OSTF1: variants seen among roughly 807,000 people sequenced by gnomAD.
OSTF1 encodes osteoclast stimulating factor 1.
In OSTF1, 27 loss-of-function variants were observed where a neutral mutation model predicts 37.2. The ratio of observed to expected loss-of-function variants is 0.73; its 90% CI spans 0.54 to 1.00. OSTF1 has a LOEUF of 1.00. Among genes scored for constraint, OSTF1 ranks in the 50% least tolerant of loss-of-function variants. OSTF1 has a pLI of 0.00. For missense variants in OSTF1, 232 were observed against 253.8 expected, an observed-to-expected ratio of 0.91 and a Z score of 0.58; for synonymous variants, 82 against 89.2, an observed-to-expected ratio of 0.92 and a Z score of 0.46.
intron 1 of OSTF1, among the ~76,000 whole-genome samples, chr9:75,094,658 C>T (rs911801505): frequency 7.0e-6 from 1 of 142,392 alleles, no homozygotes; most frequent in African/African-American, 2.5e-5. Context: ...CAGGGAAAGA[C>T]TACATTAAAA....
rs1366353132 is a variant in OSTF1, at chr9:75,106,791, TA to T, written c.35-10708del. On this transcript the variant is annotated intron_variant, in intron 1 of 9. Transcript: ENST00000346234. ...CAACATGGTGAAACCCCGTCTCTAC[TA>T]AAAATACAAAAATTAGCTGGGTGTG... 4.7e-5 allele frequency among the ~76,000 whole-genome samples: 7 copies of T among 150,364 alleles called. No individual in the cohort carries two copies. The East Asian group carries it at 1.4e-3, about 30-fold the overall frequency.
intron 3 of OSTF1, among the ~76,000 whole-genome samples, chr9:75,129,155 A>AT (rs1825723867): frequency 6.6e-6 from 1 of 152,196 alleles, no homozygotes; most frequent in Non-Finnish European, 1.5e-5. Flanking sequence ...TTGAGCATCA[A>AT]TTAGGGCAAC....
At chr9:75,104,810 A>G (rs1043385018) in intron 1 of OSTF1, among the ~76,000 whole-genome samples, 3 of 152,214 alleles carry the variant, frequency 2.0e-5, no homozygotes, top group African/African-American at 7.2e-5. Flanking sequence ...GCCAGAATTA[A>G]AAGAACAGTA....
At chr9:75,107,327 G>C (rs1191103481) in intron 1 of OSTF1, among the ~76,000 whole-genome samples, 2 of 152,082 alleles carry the variant, frequency 1.3e-5, no homozygotes, top group South Asian at 2.1e-4. Context: ...AGCCAGAGAT[G>C]ATGACACTAT....
intron 8 of OSTF1, 70 bp from the exon 9 acceptor site, chr9:75,140,764 G>T: frequency 9.7e-7 from 1 of 1,032,446 alleles, no homozygotes. Context: ...TGTTAGCTGT[G>T]GGGAGAGAGG....
chr9:75,143,325 C>G (rs1825972430), intron 9 of OSTF1, among the ~76,000 whole-genome samples: 1 of 152,030 alleles, frequency 6.6e-6, no homozygotes, highest in East Asian at 1.9e-4. Context: ...TCGAGTTGAG[C>G]CCTTTAACAT....
intron 1 of OSTF1, among the ~76,000 whole-genome samples, chr9:75,098,868 A>G (rs906455949): frequency 2.0e-5 from 3 of 152,210 alleles, no homozygotes; most frequent in African/African-American, 7.2e-5. Context: ...TAAGAGAATG[A>G]TTCTCTCCCT....
At chr9:75,116,638 T>C (rs1825494882) in intron 1 of OSTF1, among the ~76,000 whole-genome samples, 1 of 151,948 alleles carries the variant, frequency 6.6e-6, no homozygotes, top group African/African-American at 2.4e-5. Flanking sequence ...CCGTGGTATT[T>C]TCTTTTCTTT....
At chr9:75,126,211 G>A (rs1418624475) in intron 2 of OSTF1, among the ~76,000 whole-genome samples, 1 of 152,128 alleles carries the variant, frequency 6.6e-6, no homozygotes, top group Non-Finnish European at 1.5e-5. Context: ...TACCACGCCT[G>A]GCTGGATGAA....
At chr9:75,129,263 G>C (rs1323584536) in intron 3 of OSTF1, among the ~76,000 whole-genome samples, 1 of 152,156 alleles carries the variant, frequency 6.6e-6, no homozygotes, top group Non-Finnish European at 1.5e-5. Context: ...GAGAATGCTA[G>C]GAAATCAGGT....
intron 2 of OSTF1, among the ~76,000 whole-genome samples, chr9:75,118,779 T>C (rs541313948): frequency 6.6e-6 from 1 of 152,270 alleles, no homozygotes; most frequent in South Asian, 2.1e-4. Flanking sequence ...GTGAGACTTA[T>C]TCACTACCAC....
intron 5 of OSTF1, among the ~76,000 whole-genome samples, chr9:75,132,828 G>T (rs560558153): frequency 3.9e-5 from 6 of 152,148 alleles, no homozygotes; most frequent in Admixed American, 1.3e-4. Flanking sequence ...CTTTGAGTAG[G>T]TTATTTAGCC....
chr9:75,093,727 A>AT (rs1305247122), intron 1 of OSTF1, among the ~76,000 whole-genome samples: 1 of 152,198 alleles, frequency 6.6e-6, no homozygotes, highest in Non-Finnish European at 1.5e-5. Context: ...AATGAACTTA[A>AT]TTTTTATGTA....
At chr9:75,128,471 T>TA (rs1825703361) in intron 3 of OSTF1, among the ~76,000 whole-genome samples, 3 of 47,316 alleles carry the variant, frequency 6.3e-5, no homozygotes, top group Non-Finnish European at 1.2e-4. Context: ...ATATATATAT[T>TA]TTGTCCATAT....
chr9:75,107,244 A>G (rs1236985994), intron 1 of OSTF1, among the ~76,000 whole-genome samples: 2 of 152,172 alleles, frequency 1.3e-5, no homozygotes, highest in East Asian at 1.9e-4. Context: ...ATCCTGTTTC[A>G]TCATGCATAT....
At chr9:75,090,037 C>T (rs1186378089) in intron 1 of OSTF1, among the ~76,000 whole-genome samples, 2 of 152,098 alleles carry the variant, frequency 1.3e-5, no homozygotes, top group African/African-American at 4.8e-5. Flanking sequence ...TTCTGCATTG[C>T]ATTAGATGTG....
rs565488409 is a variant in OSTF1 at position 75,133,510 on chromosome 9, G to T, written c.358+109G>T. 4.6e-6 allele frequency: 3 copies of T among 654,770 alleles called. No homozygotes were observed. In the East Asian group the frequency reaches 8.1e-5, roughly 18 times the overall value. 40.6% of individuals were successfully genotyped at this position (654,770 alleles called of 1,614,324 possible). A position where few individuals can be genotyped will look rare whatever the true frequency, so the allele number is the denominator to read the frequency against. ...AGGAAAAGCATTGGCTATTCTTTTT[G>T]AATCCTTTAGAATACCGGCCAAAAC... On this transcript the variant is annotated intron_variant, in intron 6 of 9. Transcript: ENST00000346234.
At chr9:75,095,850 CT>C (rs1332033297) in intron 1 of OSTF1, among the ~76,000 whole-genome samples, 1 of 151,684 alleles carries the variant, frequency 6.6e-6, no homozygotes, top group African/African-American at 2.4e-5. Flanking sequence ...GATTTAGCAA[CT>C]GCAAATCAAT....
intron 9 of OSTF1, among the ~76,000 whole-genome samples, chr9:75,143,318 A>C (rs952121996): frequency 6.6e-6 from 1 of 152,172 alleles, no homozygotes; most frequent in African/African-American, 2.4e-5. Flanking sequence ...GTTATACTCG[A>C]GTTGAGCCCT....
Sources: gnomAD v4.1 joint callset for allele counts (sites outside exome capture counted in the v4.1 genomes callset) on GRCh38, gnomAD v4.1.1 for gene constraint, MANE v1.5 for transcripts, NCBI Gene and HGNC (gene_info 2026-07-23, HGNC 2026-07-21) for gene names.